The following STAG1 variants were observed in gnomAD, a reference collection of about 807,000 sequenced individuals.
STAG1 encodes cohesin subunit SA-1.
Under a neutral mutation model 170.9 loss-of-function variants are expected in STAG1, and 26 were observed. The ratio of observed to expected loss-of-function variants is 0.15; its 90% CI spans 0.11 to 0.21. The LOEUF is 0.21. Among genes scored for constraint, STAG1 ranks in the 10% least tolerant of loss-of-function variants. The pLI is 1.00. For synonymous variants in STAG1, 514 were observed against 497.7 expected (o/e 1.03, Z -0.44); for missense variants, 964 against 1,509.5 (o/e 0.64, Z 5.99).
chr3:136,640,849 A>C (rs982214632), intron 1 of STAG1, among the ~76,000 whole-genome samples: 10 of 150,102 alleles, frequency 6.7e-5, no homozygotes, highest in African/African-American at 2.2e-4. Context: ...TAATTTTTGT[A>C]TTTTTAGTAG....
chr3:136,352,508 A>G (rs1560051842), intron 28 of STAG1, among the ~76,000 whole-genome samples: 1 of 152,168 alleles, frequency 6.6e-6, no homozygotes, highest in East Asian at 1.9e-4. Context: ...AAGAAACAGG[A>G]AAATGTGATG....
chr3:136,470,306 C>G (rs1390156587), intron 12 of STAG1, among the ~76,000 whole-genome samples: 2 of 152,062 alleles, frequency 1.3e-5, no homozygotes, highest in Non-Finnish European at 2.9e-5. Context: ...ACAAACAACC[C>G]CATCAAAAAG....
chr3:136,527,750 C>A (rs1281684662), intron 6 of STAG1, among the ~76,000 whole-genome samples: 1 of 152,164 alleles, frequency 6.6e-6, no homozygotes. Context: ...TGTTGACATA[C>A]ACATGGGGTT....
chr3:136,512,841 C>T (rs1337241757), intron 7 of STAG1, among the ~76,000 whole-genome samples: 2 of 152,054 alleles, frequency 1.3e-5, no homozygotes, highest in East Asian at 1.9e-4. Flanking sequence ...CACACACACC[C>T]CTCTGCTATT....
intron 5 of STAG1, among the ~76,000 whole-genome samples, chr3:136,556,128 CTA>C (rs548631657): frequency 6.6e-5 from 10 of 152,134 alleles, no homozygotes; most frequent in African/African-American, 2.4e-4. Flanking sequence ...AAAATAAACT[CTA>C]TTTTTAAAAA....
intron 1 of STAG1, among the ~76,000 whole-genome samples, chr3:136,725,279 G>GGT (rs10675753): frequency 1.0e-3 from 156 of 150,866 alleles, no homozygotes; most frequent in East Asian, 2.2e-3. Flanking sequence ...AAATTATACG[G>GGT]GTGTGTGTGT....
At chr3:136,469,498 T>C (rs1342233103) in intron 12 of STAG1, among the ~76,000 whole-genome samples, 1 of 152,156 alleles carries the variant, frequency 6.6e-6, no homozygotes, top group African/African-American at 2.4e-5. Flanking sequence ...CACAAACAAA[T>C]GGAAGAACAT....
At chr3:136,735,186 C>T (rs1202919592) in intron 1 of STAG1, among the ~76,000 whole-genome samples, 1 of 151,934 alleles carries the variant, frequency 6.6e-6, no homozygotes, top group South Asian at 2.1e-4. Context: ...GGTGTGACCT[C>T]GGCTCACTAC....
intron 7 of STAG1, among the ~76,000 whole-genome samples, chr3:136,510,214 C>T (rs1443396659): frequency 2.0e-5 from 3 of 152,168 alleles, no homozygotes; most frequent in Admixed American, 6.5e-5. Context: ...CATGCCAAAG[C>T]GGGACCAGGT....
intron 4 of STAG1, among the ~76,000 whole-genome samples, chr3:136,596,337 A>G (rs996994947): frequency 6.6e-6 from 1 of 152,244 alleles, no homozygotes; most frequent in African/African-American, 2.4e-5. Flanking sequence ...TTCCACTAGC[A>G]AAAAGATTAT....
At chr3:136,637,368 A>G (rs961130475) in intron 1 of STAG1, among the ~76,000 whole-genome samples, 1 of 152,196 alleles carries the variant, frequency 6.6e-6, no homozygotes, top group African/African-American at 2.4e-5. Context: ...TCTTTTGAAA[A>G]TATCAGCCTA....
chr3:136,726,836 A>C (rs1313296392), intron 1 of STAG1, among the ~76,000 whole-genome samples: 1 of 152,188 alleles, frequency 6.6e-6, no homozygotes. Context: ...TACATAATCC[A>C]GACTCTGCTT....
intron 21 of STAG1, among the ~76,000 whole-genome samples, chr3:136,416,899 G>A (rs111776721): frequency 1.2e-3 from 176 of 143,586 alleles, no homozygotes; most frequent in African/African-American, 2.7e-3. Flanking sequence ...AGGCTGAAGT[G>A]CAGTGGCACC....
intron 1 of STAG1, among the ~76,000 whole-genome samples, chr3:136,640,954 C>T (rs1305271877): frequency 6.6e-6 from 1 of 152,208 alleles, no homozygotes; most frequent in Non-Finnish European, 1.5e-5. Flanking sequence ...GGATTACAGG[C>T]GTGAGCCACT....
At chr3:136,526,001 G>T (rs973285474) in intron 6 of STAG1, among the ~76,000 whole-genome samples, 20 of 152,314 alleles carry the variant, frequency 1.3e-4, no homozygotes. Context: ...TTGCTGAGGA[G>T]TGCTTTACTT....
At chr3:136,496,835 A>G (rs1933132702) in intron 9 of STAG1, among the ~76,000 whole-genome samples, 1 of 152,118 alleles carries the variant, frequency 6.6e-6, no homozygotes, top group Non-Finnish European at 1.5e-5. Flanking sequence ...AATTCAATAT[A>G]AAATAAGATA....
At chr3:136,394,637 C>T (rs910788870) in intron 22 of STAG1, among the ~76,000 whole-genome samples, 2 of 151,450 alleles carry the variant, frequency 1.3e-5, no homozygotes, top group Admixed American at 6.6e-5. Flanking sequence ...AGTAGCCAGG[C>T]GTGGCTGGGT....
intron 4 of STAG1, among the ~76,000 whole-genome samples, chr3:136,600,517 C>G (rs1938614376): frequency 6.6e-6 from 1 of 152,114 alleles, no homozygotes; most frequent in African/African-American, 2.4e-5. Flanking sequence ...CTGATGTCGG[C>G]TTGTATTATC....
At chr3:136,683,698 C>A (rs1219594530) in intron 1 of STAG1, among the ~76,000 whole-genome samples, 1 of 151,874 alleles carries the variant, frequency 6.6e-6, no homozygotes, top group African/African-American at 2.4e-5. Flanking sequence ...TTAGCTAATG[C>A]AGTAAGATAT....
Sources: allele counts gnomAD v4.1 joint callset (sites outside exome capture counted in the v4.1 genomes callset), GRCh38; gene constraint gnomAD v4.1.1; transcripts MANE v1.5; gene names NCBI Gene and HGNC (gene_info 2026-07-23, HGNC 2026-07-21).